Variants in TRIM44 observed in about 807,000 individuals in gnomAD.
The protein encoded by TRIM44 is tripartite motif containing 44, also known as tripartite motif-containing protein 44.
A neutral mutation model predicts 37.4 loss-of-function variants in TRIM44; 13 were observed. The ratio of observed to expected loss-of-function variants is 0.35; its 90% CI spans 0.23 to 0.55. TRIM44 has a LOEUF of 0.55. TRIM44 is among the 20% of genes least tolerant of loss of function. TRIM44 has a pLI of 0.89. For synonymous variants in TRIM44, 175 were observed against 157.2 expected, an observed-to-expected ratio of 1.11 and a Z score of -0.85; for missense variants, 426 against 437.2, an observed-to-expected ratio of 0.97 and a Z score of 0.23.
intron 4 of TRIM44, among the ~76,000 whole-genome samples, chr11:35,755,916 T>C (rs1259943302): frequency 1.9e-4 from 29 of 152,126 alleles, no homozygotes; most frequent in African/African-American, 5.5e-4. Context: ...AGCCTTGTAG[T>C]ATAGTTTGAA....
At chr11:35,696,161 C>T (rs1851694832) in intron 2 of TRIM44, among the ~76,000 whole-genome samples, 2 of 139,108 alleles carry the variant, frequency 1.4e-5, no homozygotes, top group South Asian at 2.3e-4. Flanking sequence ...TTTTTTGAGA[C>T]GGAGTCTCGA....
chr11:35,738,687 A>T (rs1037865842), intron 4 of TRIM44, among the ~76,000 whole-genome samples: 1 of 152,210 alleles, frequency 6.6e-6, no homozygotes, highest in Admixed American at 6.5e-5. Context: ...TCAACAAGCC[A>T]AATAGAGTTT....
intron 4 of TRIM44, among the ~76,000 whole-genome samples, chr11:35,742,464 A>T (rs1208059917): frequency 7.4e-6 from 1 of 134,674 alleles, no homozygotes; most frequent in Non-Finnish European, 1.5e-5. Context: ...ATTAATTACA[A>T]TTAATATAAT....
At chr11:35,774,735 C>G (rs897255489) in intron 4 of TRIM44, among the ~76,000 whole-genome samples, 3 of 152,136 alleles carry the variant, frequency 2.0e-5, no homozygotes, top group African/African-American at 7.2e-5. Context: ...ATCCTTTCCC[C>G]ATTGCTTGTT....
At chr11:35,715,488 G>A (rs1346956164) in intron 2 of TRIM44, among the ~76,000 whole-genome samples, 1 of 151,762 alleles carries the variant, frequency 6.6e-6, no homozygotes. Flanking sequence ...GGAGGAGGGA[G>A]AACCATGAAG....
chr11:35,692,881 C>T (rs186520206), intron 2 of TRIM44, among the ~76,000 whole-genome samples: 3 of 151,696 alleles, frequency 2.0e-5, no homozygotes, highest in Non-Finnish European at 4.4e-5. Flanking sequence ...CGAGATCATG[C>T]CACTGCACTC....
intron 4 of TRIM44, 32 bp from the exon 5 acceptor site, chr11:35,806,321 ATATCT>A: frequency 6.2e-7 from 1 of 1,613,096 alleles, no homozygotes; most frequent in Non-Finnish European, 8.5e-7. Context: ...CCTTCTTGTG[ATATCT>A]TAACTCACCT....
chr11:35,726,493 T>A (rs1402423788), intron 3 of TRIM44, among the ~76,000 whole-genome samples: 2 of 152,144 alleles, frequency 1.3e-5, no homozygotes, highest in Non-Finnish European at 2.9e-5. Context: ...TTTAAAGTCA[T>A]CATAGACCTG....
At chr11:35,665,605 T>TG (rs1565400739) in intron 1 of TRIM44, among the ~76,000 whole-genome samples, 3 of 137,346 alleles carry the variant, frequency 2.2e-5, no homozygotes, top group African/African-American at 8.2e-5. Context: ...TTTTTTTTTT[T>TG]TTTTTTTGAG....
rs1272745776 is a variant in TRIM44, at chr11:35,815,361, T to G, written c.*8976T>G. 6.6e-6 allele frequency: 1 copy of G among 152,176 alleles called. No homozygotes were observed. The highest frequency in any genetic ancestry group is 2.4e-5 in the African/African-American group (1 of 41,426). The allele number at this position is 152,176 out of a possible 1,614,324, so 9.4% of individuals were successfully genotyped here. ...GCTGTATCCTAGTATGAAATTCAGC[T>G]TCTAAGTAGGAAGAACTATGATAGA... On this transcript the variant is annotated 3_prime_UTR_variant, in exon 5 of 5. Transcript: ENST00000299413.
At chr11:35,803,990 A>G (rs1252138053) in intron 4 of TRIM44, among the ~76,000 whole-genome samples, 2 of 150,696 alleles carry the variant, frequency 1.3e-5, no homozygotes, top group Admixed American at 6.6e-5. Flanking sequence ...CTGGGAAGAA[A>G]AAAAAAAAAA....
At position 35,809,062 on chromosome 11, in the gene TRIM44, T is replaced by C. The variant is rs1853495193; in HGVS notation, c.*2677T>C. 1 of 152,242 alleles carries C rather than the reference T, an allele frequency of 6.6e-6. No homozygotes were observed. The highest frequency in any genetic ancestry group is 2.1e-4 in the South Asian group (1 of 4,824). The allele number at this position is 152,242 out of a possible 1,614,324, so 9.4% of individuals were successfully genotyped here. On this transcript the variant is annotated 3_prime_UTR_variant, in exon 5 of 5. Transcript: ENST00000299413. ...GCAATTTCTGGCTATCTTTCAAATG[T>C]TGAATTTCTGGATGCTGAGAGGGAC...
rs772480167 is a variant in TRIM44, at chr11:35,663,356, A to G, written c.245A>G (p.Glu82Gly). ...DGEGAGKEEA[E>G]VKVEQEREIE... Reference sequence around the variant, plus strand: ...GAGGGGGCGGGGAAGGAAGAAGCGGAGGTCAAGGTGGAGCAGGAGAGGGAG... The same window carrying G: ...GAGGGGGCGGGGAAGGAAGAAGCGGGGGTCAAGGTGGAGCAGGAGAGGGAG... Residue 82 changes from glutamate to glycine, a missense_variant, in exon 1 of 5, where the codon GAG becomes GGG. Physicochemically the swap from Glu to Gly is moderately conservative, Grantham distance 98. Coordinates refer to ENST00000299413, the MANE Select transcript of TRIM44 (RefSeq NM_017583.6). The G allele has an allele frequency of 6.2e-7, 1 of 1,613,680 alleles. No individual in the cohort carries two copies. Among genetic ancestry groups the G allele is most frequent in the Non-Finnish European group, 8.5e-7 (1 of 1,179,832 alleles).
At chr11:35,745,627 A>G (rs1178721878) in intron 4 of TRIM44, among the ~76,000 whole-genome samples, 1 of 152,210 alleles carries the variant, frequency 6.6e-6, no homozygotes, top group Admixed American at 6.5e-5. Context: ...CGATTAATAA[A>G]ACAAGCAAGA....
chr11:35,715,766 C>T (rs1290735139), intron 2 of TRIM44, among the ~76,000 whole-genome samples: 1 of 152,130 alleles, frequency 6.6e-6, no homozygotes, highest in African/African-American at 2.4e-5. Context: ...AGCATAGTGG[C>T]TTCTGGGGAG....
chr11:35,738,006 G>A (rs190708381), intron 4 of TRIM44, among the ~76,000 whole-genome samples: 70 of 152,122 alleles, frequency 4.6e-4, no homozygotes, highest in African/African-American at 1.4e-3. Flanking sequence ...GCCCTCCTCC[G>A]CCTTTTCTCT....
chr11:35,713,948 A>G (rs920537925), intron 2 of TRIM44, among the ~76,000 whole-genome samples: 3 of 152,188 alleles, frequency 2.0e-5, no homozygotes, highest in African/African-American at 7.2e-5. Flanking sequence ...TTGGGCAGTC[A>G]GATCTGATCA....
chr11:35,770,313 C>T (rs1852850664), intron 4 of TRIM44, among the ~76,000 whole-genome samples: 1 of 152,192 alleles, frequency 6.6e-6, no homozygotes, highest in Non-Finnish European at 1.5e-5. Context: ...TGCTGATGGG[C>T]ACACAAGGTT....
intron 2 of TRIM44, among the ~76,000 whole-genome samples, chr11:35,708,913 A>G (rs1292536789): frequency 6.6e-6 from 1 of 151,962 alleles, no homozygotes; most frequent in Non-Finnish European, 1.5e-5. Context: ...AAATATAATA[A>G]TAATAAAAAA....
Sources: allele counts gnomAD v4.1 joint callset (sites outside exome capture counted in the v4.1 genomes callset), GRCh38; gene constraint gnomAD v4.1.1; transcripts MANE v1.5; gene names NCBI Gene and HGNC (gene_info 2026-07-23, HGNC 2026-07-21).